The following LRRIQ3 variants were observed in gnomAD, a reference collection of about 807,000 sequenced individuals.
The protein encoded by LRRIQ3 is leucine rich repeats and IQ motif containing 3.
LRRIQ3 carries 75 observed loss-of-function variants against 59.3 expected under a neutral mutation model. The ratio of observed to expected loss-of-function variants is 1.26; its 90% confidence interval spans 1.05 to 1.53. The LOEUF is 1.53. Ranked by LOEUF, LRRIQ3 falls within the 40% of genes most tolerant of loss-of-function variation. LRRIQ3 has a pLI of 0.00. For missense variants in LRRIQ3, 831 were observed against 710.0 expected (o/e 1.17, Z -1.94); for synonymous variants, 250 against 231.3 (o/e 1.08, Z -0.73).
chr1:74,182,706 G>C lies in LRRIQ3; in HGVS notation c.405C>G (p.Ser135Arg). 1 of 1,612,534 alleles carries C rather than the reference G, an allele frequency of 6.2e-7. No individual in the cohort carries two copies. Among genetic ancestry groups the C allele is most frequent in the Non-Finnish European group, 8.5e-7 (1 of 1,178,964 alleles). ...IALTMFDCPVSLKKGYRHVLV... is the reference protein window; with the variant it reads ...IALTMFDCPVRLKKGYRHVLV... ...GAACATGTCTATATCCTTTTTTAAGGCTTACTGGACAATCAAACATAGTGA... is the reference window on the plus strand; with the variant it reads ...GAACATGTCTATATCCTTTTTTAAGCCTTACTGGACAATCAAACATAGTGA... Residue 135 changes from serine (S) to arginine (R), a missense_variant, in exon 3 of 8, where the codon AGC becomes AGG. By Grantham distance (110) the Ser-to-Arg change is moderately radical (BLOSUM62 -1). Coordinates refer to ENST00000354431, the MANE Select transcript of LRRIQ3 (RefSeq NM_001105659.2).
At chr1:74,032,022 A>T (rs537490319) in intron 7 of LRRIQ3, among the ~76,000 whole-genome samples, 1 of 152,084 alleles carries the variant, frequency 6.6e-6, no homozygotes, top group East Asian at 1.9e-4. Context: ...CTCAGAGATT[A>T]TAAGATAATA....
intron 4 of LRRIQ3, among the ~76,000 whole-genome samples, chr1:74,154,836 C>A (rs1250180123): frequency 1.3e-5 from 2 of 152,134 alleles, no homozygotes; most frequent in Non-Finnish European, 2.9e-5. Flanking sequence ...CATATTTTGA[C>A]CTCAGTGTGG....
intron 1 of LRRIQ3, among the ~76,000 whole-genome samples, chr1:74,188,449 C>A (rs895124237): frequency 6.6e-6 from 1 of 152,072 alleles, no homozygotes; most frequent in African/African-American, 2.4e-5. Flanking sequence ...CTATTAAGAA[C>A]CCTGGCTTCT....
intron 3 of LRRIQ3, among the ~76,000 whole-genome samples, chr1:74,173,048 T>C (rs1649423425): frequency 6.6e-6 from 1 of 152,140 alleles, no homozygotes; most frequent in Non-Finnish European, 1.5e-5. Context: ...ACGCCTGTAA[T>C]CCCAGCACTT....
intron 5 of LRRIQ3, among the ~76,000 whole-genome samples, chr1:74,102,189 G>T (rs959996033): frequency 5.3e-5 from 8 of 151,902 alleles, no homozygotes; most frequent in African/African-American, 1.9e-4. Context: ...ATTTAGAAAA[G>T]AATAAAAATG....
intron 6 of LRRIQ3, among the ~76,000 whole-genome samples, chr1:74,051,688 A>G (rs1388667186): frequency 6.6e-6 from 1 of 152,084 alleles, no homozygotes. Flanking sequence ...AGCAACCACT[A>G]ATCTACTTTC....
At chr1:74,127,300 G>A (rs1433059236) in intron 4 of LRRIQ3, among the ~76,000 whole-genome samples, 4 of 151,858 alleles carry the variant, frequency 2.6e-5, no homozygotes, top group East Asian at 1.9e-4. Context: ...CATCCATTCA[G>A]CCACTCTATG....
intron 3 of LRRIQ3, among the ~76,000 whole-genome samples, chr1:74,159,901 C>T (rs1648562973): frequency 6.6e-6 from 1 of 152,038 alleles, no homozygotes; most frequent in Admixed American, 6.6e-5. Flanking sequence ...CCATATTCCT[C>T]TTTCTCTCGC....
intron 4 of LRRIQ3, among the ~76,000 whole-genome samples, chr1:74,121,193 T>G (rs1466176714): frequency 6.6e-6 from 1 of 152,176 alleles, no homozygotes; most frequent in East Asian, 1.9e-4. Flanking sequence ...ATTTTATTGT[T>G]TGCTTATTGG....
chr1:74,161,220 G>T (rs1648640422), intron 3 of LRRIQ3, among the ~76,000 whole-genome samples: 1 of 151,678 alleles, frequency 6.6e-6, no homozygotes, highest in Admixed American at 6.6e-5. Flanking sequence ...TATTTATGAG[G>T]GTTCTACCCT....
In LRRIQ3 at chr1:74,061,285, A is replaced by G. The variant is rs184525619; in HGVS notation, c.997+13376T>C. On this transcript the variant is annotated intron_variant, in intron 6 of 7. Transcript: ENST00000354431. The stretch of plus-strand genomic sequence containing the variant: ...ACACTGCTCAAAGAAATCAGAAATG[A>G]CACAAACAAATGGAAAAACATTCCA... Among the ~76,000 whole-genome samples, 192 of 152,286 alleles carry G rather than the reference A, an allele frequency of 1.3e-3. 2 individuals carry two copies. Among genetic ancestry groups the G allele is most frequent in the Non-Finnish European group, 2.5e-3 (172 of 68,032 alleles).
At chr1:74,045,517 A>AAAAACCGGCAGCATTCCCTTTG in intron 6 of LRRIQ3, among the ~76,000 whole-genome samples, 1 of 152,310 alleles carries the variant, frequency 6.6e-6, no homozygotes. Flanking sequence ...CTGAATGGGC[A>AAAAACCGGCAGCATTCCCTTTG]AAAACCGGCA....
chr1:74,135,567 T>A (rs886256570), intron 4 of LRRIQ3, among the ~76,000 whole-genome samples: 4 of 151,812 alleles, frequency 2.6e-5, no homozygotes, highest in African/African-American at 9.7e-5. Flanking sequence ...ATGGTAAAAT[T>A]AAATAAGAAA....
At chr1:74,045,253 C>G (rs986813004) in intron 6 of LRRIQ3, among the ~76,000 whole-genome samples, 9 of 152,130 alleles carry the variant, frequency 5.9e-5, no homozygotes, top group African/African-American at 2.2e-4. Context: ...CATCAAAAAG[C>G]TTATCCACCA....
chr1:74,027,039 T>A, intron 7 of LRRIQ3, 70 bp from the exon 8 acceptor site: 1 of 1,017,888 alleles, frequency 9.8e-7, no homozygotes, highest in Non-Finnish European at 1.4e-6. Flanking sequence ...TCTATTAGAC[T>A]ATTAATGATA....
chr1:74,125,039 A>G (rs774706684), intron 4 of LRRIQ3, among the ~76,000 whole-genome samples: 3 of 151,706 alleles, frequency 2.0e-5, no homozygotes, highest in African/African-American at 7.3e-5. Flanking sequence ...TCTTTCATCA[A>G]TGTTTTAAGT....
At chr1:74,117,752 C>G (rs941088188) in intron 4 of LRRIQ3, among the ~76,000 whole-genome samples, 2 of 152,024 alleles carry the variant, frequency 1.3e-5, no homozygotes, top group Admixed American at 1.3e-4. Context: ...GGTGACAGAG[C>G]AAGTTTGTCT....
chr1:74,070,299 A>C (rs2100466827), intron 6 of LRRIQ3, among the ~76,000 whole-genome samples: 1 of 152,262 alleles, frequency 6.6e-6, no homozygotes, highest in South Asian at 2.1e-4. Flanking sequence ...TGCAGCCCCC[A>C]AAATAATGAG....
chr1:74,194,474 A>T (rs1327750625), intron 1 of LRRIQ3, among the ~76,000 whole-genome samples: 2 of 152,170 alleles, frequency 1.3e-5, no homozygotes, highest in East Asian at 3.8e-4. Context: ...ATCAGAATTC[A>T]TTTGTAATTA....
Sources: gnomAD v4.1 joint callset for allele counts (sites outside exome capture counted in the v4.1 genomes callset) on GRCh38, gnomAD v4.1.1 for gene constraint, MANE v1.5 for transcripts, NCBI Gene and HGNC (gene_info 2026-07-23, HGNC 2026-07-21) for gene names.